Variants in TBC1D5 observed in about 807,000 individuals in gnomAD.
TBC1D5 encodes the protein TBC1 domain family member 5, also known as TBC1 domain family, member 5.
Under a neutral mutation model 100.3 loss-of-function variants are expected in TBC1D5, and 75 were observed. That is an observed-to-expected ratio of 0.75 (90% CI 0.62 to 0.91). TBC1D5 has a LOEUF of 0.91. TBC1D5 is among the 40% of genes least tolerant of loss of function. The probability of loss-of-function intolerance (pLI) is 0.00; values close to 1 mark genes in which losing one functional copy is unlikely to be tolerated. For synonymous variants in TBC1D5, 323 were observed against 325.6 expected, an observed-to-expected ratio of 0.99 and a Z score of 0.09; for missense variants, 910 against 942.4, an observed-to-expected ratio of 0.97 and a Z score of 0.45.
At chr3:17,247,977 T>A (rs2076876050) in intron 16 of TBC1D5, among the ~76,000 whole-genome samples, 1 of 150,928 alleles carries the variant, frequency 6.6e-6, no homozygotes, top group African/African-American at 2.5e-5. Flanking sequence ...ATGTGGTTAC[T>A]TCCTCCACTA....
intron 16 of TBC1D5, among the ~76,000 whole-genome samples, chr3:17,241,476 TTAATTGAAGTCTTTCATTAC>T (rs2076299689): frequency 6.6e-6 from 1 of 152,188 alleles, no homozygotes; most frequent in Non-Finnish European, 1.5e-5. Flanking sequence ...CAATTTTGTG[TTAATTGAAGTCTTTCATTAC>T]TATTGTCTAT....
chr3:17,591,272 A>AAAAAAAAAC (rs2096769889), intron 2 of TBC1D5, among the ~76,000 whole-genome samples: 1 of 143,756 alleles, frequency 7.0e-6, no homozygotes, highest in Non-Finnish European at 1.5e-5. Flanking sequence ...AAAAACAAAA[A>AAAAAAAAAC]CCCCAGAGAA....
intron 1 of TBC1D5, chr3:17,705,981 CTCTTT>C (rs2074098416): frequency 2.9e-6 from 4 of 1,357,066 alleles, no homozygotes; most frequent in Non-Finnish European, 3.9e-6. Flanking sequence ...CATTTCTTTA[CTCTTT>C]TTTTTTTTTG....
chr3:17,579,491 T>C (rs911220497), intron 2 of TBC1D5, among the ~76,000 whole-genome samples: 34 of 152,124 alleles, frequency 2.2e-4, no homozygotes, highest in Non-Finnish European at 4.0e-4. Flanking sequence ...GTGAAACTGT[T>C]GGTCAATTTC....
At chr3:17,276,927 C>G (rs1212412295) in intron 15 of TBC1D5, among the ~76,000 whole-genome samples, 1 of 152,182 alleles carries the variant, frequency 6.6e-6, no homozygotes, top group African/African-American at 2.4e-5. Context: ...TGTCAATGTA[C>G]AGGGCAACAA....
At chr3:17,443,959 A>G (rs1174138904) in intron 3 of TBC1D5, among the ~76,000 whole-genome samples, 2 of 151,962 alleles carry the variant, frequency 1.3e-5, no homozygotes, top group Non-Finnish European at 2.9e-5. Context: ...TTCAAAATTC[A>G]AAGTATTTTC....
At chr3:17,181,365 T>G (rs1350421046) in intron 19 of TBC1D5, among the ~76,000 whole-genome samples, 3 of 152,206 alleles carry the variant, frequency 2.0e-5, no homozygotes, top group East Asian at 3.8e-4. Context: ...GATTCTTCCC[T>G]GAGAAGAGAC....
At chr3:17,650,879 G>A (rs1407335137) in intron 1 of TBC1D5, among the ~76,000 whole-genome samples, 1 of 152,108 alleles carries the variant, frequency 6.6e-6, no homozygotes, top group East Asian at 1.9e-4. Context: ...ATTTATACAA[G>A]GCAATCCCTT....
intron 1 of TBC1D5, among the ~76,000 whole-genome samples, chr3:17,716,836 C>T (rs2075278978): frequency 6.6e-6 from 1 of 152,008 alleles, no homozygotes; most frequent in Admixed American, 6.6e-5. Flanking sequence ...TTATTTTATA[C>T]ATAAACAAGG....
At chr3:17,712,095 G>A (rs1194730285) in intron 1 of TBC1D5, among the ~76,000 whole-genome samples, 2 of 151,558 alleles carry the variant, frequency 1.3e-5, no homozygotes, top group South Asian at 4.2e-4. Context: ...CAGCATCACA[G>A]GCTAAAATTA....
chr3:17,252,693 C>T (rs1365222739), intron 16 of TBC1D5, among the ~76,000 whole-genome samples: 1 of 152,206 alleles, frequency 6.6e-6, no homozygotes, highest in Non-Finnish European at 1.5e-5. Context: ...GAGTGCTCCT[C>T]TCAAGGGCTG....
In TBC1D5 at chr3:17,406,291, G is replaced by C. The variant is rs117450819; in HGVS notation, c.276+127C>G. ...GTCCTATGAAAGATAAACATAGATG[G>C]TCAAAATAATGGGAGTGAAGTCTCT... On this transcript the variant is annotated intron_variant, in intron 5 of 21. Coordinates refer to ENST00000253692, the Ensembl canonical transcript of TBC1D5. The C allele has an allele frequency of 3.0e-4, 223 of 739,374 alleles. 2 individuals are homozygous for C. In the East Asian group the frequency reaches 5.2e-3, roughly 17 times the overall value. The allele number at this position is 739,374 out of a possible 1,614,324, so 45.8% of individuals were successfully genotyped here.
At chr3:17,522,210 T>C (rs1246730195) in intron 2 of TBC1D5, among the ~76,000 whole-genome samples, 2 of 152,148 alleles carry the variant, frequency 1.3e-5, no homozygotes, top group Non-Finnish European at 2.9e-5. Context: ...TCTCTCAGAA[T>C]CCACGTTGAC....
chr3:17,324,350 A>G (rs986950456), intron 13 of TBC1D5, among the ~76,000 whole-genome samples: 4 of 152,232 alleles, frequency 2.6e-5, no homozygotes, highest in African/African-American at 7.2e-5. Context: ...ACCATTAAGA[A>G]AATGAAAATA....
In TBC1D5 at chr3:17,705,983, C is replaced by T. The variant is rs1577665616; in HGVS notation, c.-101+33360G>A. 4.1e-6 allele frequency: 5 copies of T among 1,224,590 alleles called. No homozygotes were observed. The South Asian group carries it at 4.8e-5, about 12-fold the overall frequency. 75.9% of individuals were successfully genotyped at this position (1,224,590 alleles called of 1,614,324 possible). Reference sequence around the variant, plus strand: ...CGGCGCTCCTCAGCATTTCTTTACTCTTTTTTTTTTTTGAGACGGAGTCTT... The same window carrying T: ...CGGCGCTCCTCAGCATTTCTTTACTTTTTTTTTTTTTTGAGACGGAGTCTT... On this transcript the variant is annotated intron_variant, in intron 1 of 21. Transcript: ENST00000253692.
intron 13 of TBC1D5, among the ~76,000 whole-genome samples, chr3:17,343,600 A>G (rs2151465703): frequency 6.7e-6 from 1 of 149,168 alleles, no homozygotes; most frequent in South Asian, 2.2e-4. Context: ...CTGGTCCTGG[A>G]CTCTTTTTGG....
intron 2 of TBC1D5, among the ~76,000 whole-genome samples, chr3:17,612,511 T>C (rs2061757739): frequency 6.6e-6 from 1 of 151,754 alleles, no homozygotes; most frequent in African/African-American, 2.4e-5. Context: ...GCGCCTGTAA[T>C]CCCAGCTACT....
intron 1 of TBC1D5, among the ~76,000 whole-genome samples, chr3:17,728,453 A>G (rs558857569): frequency 1.3e-5 from 2 of 152,224 alleles, no homozygotes; most frequent in Non-Finnish European, 2.9e-5. Context: ...TAAAGAGAAT[A>G]ATGAGGGAAG....
intron 15 of TBC1D5, among the ~76,000 whole-genome samples, chr3:17,282,143 C>T (rs990524951): frequency 6.6e-6 from 1 of 152,122 alleles, no homozygotes; most frequent in Non-Finnish European, 1.5e-5. Context: ...CTTTAAAAAA[C>T]AATTAATGAA....
Sources: gnomAD v4.1 joint callset for allele counts (sites outside exome capture counted in the v4.1 genomes callset) on GRCh38, gnomAD v4.1.1 for gene constraint, MANE v1.5 for transcripts, NCBI Gene and HGNC (gene_info 2026-07-23, HGNC 2026-07-21) for gene names.